HERC2: variants seen among roughly 807,000 people sequenced by gnomAD.
HERC2 encodes the protein HECT and RLD domain containing E3 ubiquitin protein ligase 2.
Under a neutral mutation model 537.7 loss-of-function variants are expected in HERC2, and 102 were observed. The observed-to-expected ratio is 0.19, with a 90% CI of 0.16 to 0.22. The LOEUF (loss-of-function observed/expected upper bound fraction) is 0.22, where lower values mean the gene tolerates loss of function less well. Ranked by LOEUF, HERC2 falls within the 10% of genes least tolerant of loss-of-function variation. The pLI, the probability that HERC2 is intolerant of heterozygous loss-of-function variation, is 1.00. For synonymous variants in HERC2, 2,224 were observed against 2,466.2 expected (o/e 0.90, Z 2.91); for missense variants, 4,236 against 6,198.2 (o/e 0.68, Z 10.63).
rs1163307985 is a variant in HERC2 at position 28,125,122 on chromosome 15, G to A, written c.12874C>T (p.Pro4292Ser). 16 of 1,614,166 alleles carry A rather than the reference G, an allele frequency of 9.9e-6. No individual in the cohort carries two copies. Among genetic ancestry groups the A allele is most frequent in the Non-Finnish European group, 1.3e-5 (15 of 1,179,958 alleles). ...GDGTTNAIQR[P>S]RLVAALQGKK... ...CCCTGAAGGGCAGCTACCAACCGAGGCCTCTGGATGGCATTGGTGGTTCCG... is the reference window on the plus strand; with the variant it reads ...CCCTGAAGGGCAGCTACCAACCGAGACCTCTGGATGGCATTGGTGGTTCCG... The change falls in exon 84 of 93, where the codon CCT (proline) becomes TCT (serine). Residue 4292 changes from proline to serine, a missense_variant. Physicochemically the swap from Pro to Ser is moderately conservative, Grantham distance 74. Around this residue, in one of 27 missense-constraint regions of HERC2, gnomAD observed 189 missense variants for 255.7 expected, o/e 0.74. Transcript: ENST00000261609.
At chr15:28,116,916 C>T in intron 87 of HERC2, 57 bp from the exon 88 acceptor site, 1 of 1,607,024 alleles carries the variant, frequency 6.2e-7, no homozygotes, top group Non-Finnish European at 8.5e-7. Context: ...GTAAAGAGAG[C>T]CCCAACGCTC....
chr15:28,294,725 C>G (rs1158576317), intron 3 of HERC2, among the ~76,000 whole-genome samples: 1 of 151,962 alleles, frequency 6.6e-6, no homozygotes, highest in African/African-American at 2.4e-5. Context: ...CCTCCCACAG[C>G]CCCTCGTGGT....
intron 6 of HERC2, 128 bp downstream of exon 6, chr15:28,274,777 G>A (rs1440952573): frequency 6.7e-6 from 5 of 742,108 alleles, no homozygotes; most frequent in Non-Finnish European, 1.1e-5. Context: ...CATCTCACAA[G>A]CAAGGAAACT....
intron 9 of HERC2, 41 bp downstream of exon 9, chr15:28,272,174 T>C (rs747436060): frequency 2.0e-5 from 30 of 1,527,700 alleles, no homozygotes; most frequent in Non-Finnish European, 2.4e-5. Context: ...GTAACTAGAC[T>C]CGAGTGCCAC....
intron 56 of HERC2, 105 bp from the exon 57 acceptor site, chr15:28,182,617 T>G: frequency 2.3e-6 from 2 of 856,184 alleles, no homozygotes; most frequent in Non-Finnish European, 3.5e-6. Context: ...AGTTTTATGG[T>G]TACTTTCAGA....
chr15:28,293,354 G>A (rs1490881121), intron 3 of HERC2, among the ~76,000 whole-genome samples: 2 of 151,930 alleles, frequency 1.3e-5, no homozygotes, highest in African/African-American at 2.4e-5. Context: ...TTAGCCAGCC[G>A]TGGTGGCGGG....
chr15:28,176,928 C>G lies in HERC2; in HGVS notation c.9432+22G>C. ...CTTCAGATGGTAAGCTTTCTGCAAG[C>G]AACAAAAATGCGTATAATCACCATT... On this transcript the variant is annotated intron_variant, in intron 61 of 92. Transcript: ENST00000261609. The surrounding 1 kb of genome is among the most constrained non-coding windows in gnomAD (Gnocchi z 5.0). 1 of 1,601,244 alleles carries G rather than the reference C, an allele frequency of 6.2e-7. No homozygotes were observed. Among genetic ancestry groups the G allele is most frequent in the South Asian group, 1.1e-5 (1 of 90,260 alleles).
intron 57 of HERC2, among the ~76,000 whole-genome samples, chr15:28,179,694 G>A (rs1397185951): frequency 2.6e-5 from 4 of 152,188 alleles, no homozygotes; most frequent in African/African-American, 9.7e-5. Context: ...TGCTGTCACA[G>A]GAAAGGACAG....
intron 83 of HERC2, among the ~76,000 whole-genome samples, chr15:28,127,309 C>T (rs1245776938): frequency 6.6e-6 from 1 of 152,192 alleles, no homozygotes; most frequent in East Asian, 1.9e-4. Flanking sequence ...CGAGGGGAGT[C>T]AGCCAAGACC....
chr15:28,314,885 T>A lies in HERC2; in HGVS notation c.72+6477A>T, dbSNP rs868327113. On this transcript the variant is annotated intron_variant, in intron 2 of 92. Transcript: ENST00000261609. ...CAGGAAAAAAAAAAAAAAAATCATA[T>A]GTCAACACATGAAAATTATCTGACA... 6.6e-5 allele frequency among the ~76,000 whole-genome samples: 10 copies of A among 151,504 alleles called. No individual in the cohort carries two copies. In the South Asian group the frequency reaches 2.1e-3, roughly 32 times the overall value.
At chr15:28,156,535 C>T (rs1198702680) in intron 69 of HERC2, among the ~76,000 whole-genome samples, 2 of 152,198 alleles carry the variant, frequency 1.3e-5, no homozygotes, top group South Asian at 2.1e-4. Context: ...TGGGATTTCA[C>T]TCATTATTTT....
Position 28,141,750 on chromosome 15 carries a change from G to A in HERC2, c.11797C>T (p.Leu3933Phe), listed in dbSNP as rs1401408632. ...AATAACCTGTTCATCCACTGCACAAGTTGTTCGTCTTGCTCTCTTTTAAAA... is the reference window on the plus strand; with the variant it reads ...AATAACCTGTTCATCCACTGCACAAATTGTTCGTCTTGCTCTCTTTTAAAA... ...DIFKREQDEQ[L>F]VQWMNRRPDD... Residue 3933 changes from leucine (L) to phenylalanine (F), a missense_variant, in exon 77 of 93, where the codon CTT becomes TTT. This residue lies in a region of HERC2 where 156 missense variants were observed against 172.3 expected (regional missense o/e 0.91). Coordinates refer to ENST00000261609, the MANE Select transcript of HERC2 (RefSeq NM_004667.6). 6.2e-7 allele frequency: 1 copy of A among 1,614,104 alleles called. No individual in the cohort carries two copies. The highest frequency in any genetic ancestry group is 1.7e-5 in the Admixed American group (1 of 60,030).
At chr15:28,135,826 G>A (rs1488287523) in intron 78 of HERC2, 134 bp from the exon 79 acceptor site, 3 of 672,798 alleles carry the variant, frequency 4.5e-6, no homozygotes, top group Non-Finnish European at 7.5e-6. Context: ...AAAATCTCAG[G>A]AATATAAGTT....
chr15:28,268,575 T>G lies in HERC2; in HGVS notation c.1488A>C (p.Val496=). ...LVQGLASRNI[V]KIAAHSDGHH... is the part of the protein sequence containing the mutation. ...GACCATCAGAATGGGCAGCAATTTT[T>G]ACAATGTTTCTGGAGGCAAGGCCTT... Residue 496 remains valine, a synonymous_variant, in exon 12 of 93, where the codon GTA becomes GTC. Transcript: ENST00000261609. The surrounding 1 kb of genome is among the most constrained non-coding windows in gnomAD (Gnocchi z 4.7). 1 of 1,614,214 alleles carries G rather than the reference T, an allele frequency of 6.2e-7. No individual in the cohort carries two copies. The highest frequency in any genetic ancestry group is 8.5e-7 in the Non-Finnish European group (1 of 1,180,038).
intron 2 of HERC2, among the ~76,000 whole-genome samples, chr15:28,299,774 G>A (rs1021712145): frequency 6.6e-6 from 1 of 152,024 alleles, no homozygotes; most frequent in Admixed American, 6.6e-5. Flanking sequence ...ACACGTGGTC[G>A]GGCGAGGTGG....
At chr15:28,224,331 C>T (rs1900876162) in intron 35 of HERC2, among the ~76,000 whole-genome samples, 1 of 152,176 alleles carries the variant, frequency 6.6e-6, no homozygotes, top group Admixed American at 6.5e-5. Context: ...AAGCAATCCT[C>T]CCACCTCAGC....
At chr15:28,231,796 C>T (rs1184081068) in intron 30 of HERC2, among the ~76,000 whole-genome samples, 1 of 150,500 alleles carries the variant, frequency 6.6e-6, no homozygotes, top group Non-Finnish European at 1.5e-5. Context: ...GACACAGCAA[C>T]AGGAATATTA....
At chr15:28,321,606 G>A (rs1486682400) in intron 1 of HERC2, 142 bp from the exon 2 acceptor site, 5 of 398,872 alleles carry the variant, frequency 1.3e-5, no homozygotes, top group Non-Finnish European at 2.1e-5. Flanking sequence ...GGGGAGAGAG[G>A]GAAAGAGGGA....
intron 3 of HERC2, among the ~76,000 whole-genome samples, chr15:28,294,112 G>T (rs1247248605): frequency 6.6e-6 from 1 of 152,208 alleles, no homozygotes; most frequent in Non-Finnish European, 1.5e-5. Flanking sequence ...CCAAATGCAT[G>T]GACTTTTGCA....
Sources: gnomAD v4.1 joint callset for allele counts (sites outside exome capture counted in the v4.1 genomes callset) on GRCh38, gnomAD v4.1.1 for gene constraint, gnomAD v4.1.1 regional missense constraint, Gnocchi (gnomAD v3.1) non-coding constraint, MANE v1.5 for transcripts, NCBI Gene and HGNC (gene_info 2026-07-23, HGNC 2026-07-21) for gene names.